The following CSMD1 variants were observed in gnomAD, a reference collection of about 807,000 sequenced individuals.
CSMD1 encodes the protein CUB and sushi domain-containing protein 1.
In CSMD1, 213 loss-of-function variants were observed where a neutral mutation model predicts 417.5. The ratio of observed to expected loss-of-function variants is 0.51; its 90% CI spans 0.46 to 0.57. The LOEUF (loss-of-function observed/expected upper bound fraction) is 0.57, where lower values mean the gene tolerates loss of function less well. CSMD1 is among the 20% of genes least tolerant of loss of function. CSMD1 has a pLI of 0.00. For missense variants in CSMD1, 6,923 were observed against 4,529.7 expected (o/e 1.53, Z -15.17); for synonymous variants, 2,862 against 1,736.8 (o/e 1.65, Z -16.11).
chr8:3,969,733 G>C (rs1160461129), intron 5 of CSMD1, among the ~76,000 whole-genome samples: 1 of 152,200 alleles, frequency 6.6e-6, no homozygotes, highest in African/African-American at 2.4e-5. Context: ...AAATAACCAT[G>C]TGTAGATGCC....
At chr8:4,895,773 A>T (rs997053098) in intron 1 of CSMD1, among the ~76,000 whole-genome samples, 4 of 152,082 alleles carry the variant, frequency 2.6e-5, no homozygotes, top group Admixed American at 2.0e-4. Flanking sequence ...AAACTTTACC[A>T]AAGTAAATTT....
intron 7 of CSMD1, among the ~76,000 whole-genome samples, chr8:3,632,338 G>A (rs948909440): frequency 2.6e-5 from 4 of 152,026 alleles, no homozygotes; most frequent in Non-Finnish European, 5.9e-5. Context: ...TGGACCTTCA[G>A]CCCTGACACC....
chr8:4,248,294 TC>T (rs2128828635), intron 3 of CSMD1, among the ~76,000 whole-genome samples: 1 of 152,188 alleles, frequency 6.6e-6, no homozygotes, highest in African/African-American at 2.4e-5. Flanking sequence ...ATACAAACAA[TC>T]TGAATTTATA....
intron 3 of CSMD1, among the ~76,000 whole-genome samples, chr8:4,330,707 T>C (rs535786453): frequency 4.0e-4 from 61 of 152,300 alleles, no homozygotes; most frequent in African/African-American, 1.4e-3. Context: ...TTTCTGTAGG[T>C]TGAGGATACC....
At chr8:3,984,351 G>C (rs950525785) in intron 5 of CSMD1, among the ~76,000 whole-genome samples, 14 of 152,118 alleles carry the variant, frequency 9.2e-5, no homozygotes, top group Admixed American at 8.5e-4. Context: ...AAATGCTGAC[G>C]ACAGATCATG....
chr8:4,467,166 G>A (rs1202301911), intron 2 of CSMD1, among the ~76,000 whole-genome samples: 2 of 147,490 alleles, frequency 1.4e-5, no homozygotes, highest in Admixed American at 6.8e-5. Context: ...AACAAATGTT[G>A]ACAACTCGTT....
intron 1 of CSMD1, among the ~76,000 whole-genome samples, chr8:4,927,583 G>C (rs896427223): frequency 6.6e-6 from 1 of 152,096 alleles, no homozygotes; most frequent in Non-Finnish European, 1.5e-5. Flanking sequence ...TTACTAAATA[G>C]TTCTTAGAGG....
intron 6 of CSMD1, among the ~76,000 whole-genome samples, chr8:3,717,528 G>T (rs556169275): frequency 6.6e-6 from 1 of 152,158 alleles, no homozygotes; most frequent in Admixed American, 6.5e-5. Context: ...ACATGGCCAT[G>T]AAAGATTAGG....
chr8:4,789,852 C>G (rs79628255), intron 1 of CSMD1, among the ~76,000 whole-genome samples: 1 of 152,148 alleles, frequency 6.6e-6, no homozygotes, highest in African/African-American at 2.4e-5. Flanking sequence ...CTTTCTTAAT[C>G]TCTTTTAGTA....
At chr8:3,437,710 G>C (rs1304414607) in intron 12 of CSMD1, among the ~76,000 whole-genome samples, 1 of 151,408 alleles carries the variant, frequency 6.6e-6, no homozygotes, top group African/African-American at 2.4e-5. Context: ...AGAACACCCT[G>C]TTCCCACCAA....
chr8:4,918,382 C>G (rs943380956), intron 1 of CSMD1, among the ~76,000 whole-genome samples: 1 of 152,192 alleles, frequency 6.6e-6, no homozygotes, highest in African/African-American at 2.4e-5. Context: ...GTGTTCCTCC[C>G]AGATTCAGAC....
intron 3 of CSMD1, among the ~76,000 whole-genome samples, chr8:4,413,915 G>A (rs1402391035): frequency 2.6e-5 from 4 of 152,300 alleles, no homozygotes; most frequent in Admixed American, 6.5e-5. Context: ...TTAGCCCAGA[G>A]GAAAGTAATT....
chr8:3,743,317 C>G (rs1796907633), intron 6 of CSMD1, among the ~76,000 whole-genome samples: 1 of 152,148 alleles, frequency 6.6e-6, no homozygotes, highest in Admixed American at 6.5e-5. Flanking sequence ...TTCCTGGATG[C>G]TGGAAGCAAC....
intron 3 of CSMD1, among the ~76,000 whole-genome samples, chr8:4,096,629 T>A (rs1801025896): frequency 6.6e-6 from 1 of 152,226 alleles, no homozygotes; most frequent in Admixed American, 6.5e-5. Flanking sequence ...ATGAAAGATA[T>A]CTTAAAAATC....
intron 1 of CSMD1, among the ~76,000 whole-genome samples, chr8:4,802,506 G>GA (rs113131453): frequency 0.07 from 10,690 of 152,132 alleles, 629 homozygotes; most frequent in East Asian, 0.23. Flanking sequence ...CACCACTTAA[G>GA]AAAAGACAGA....
intron 28 of CSMD1, among the ~76,000 whole-genome samples, chr8:3,220,277 G>C (rs6996245): frequency 0.28 from 42,996 of 151,232 alleles, 6,241 homozygotes; most frequent in African/African-American, 0.33. Context: ...TTTTTTCTCT[G>C]TCCCTCTCTT....
At chr8:4,363,405 T>G (rs1207825984) in intron 3 of CSMD1, among the ~76,000 whole-genome samples, 1 of 152,214 alleles carries the variant, frequency 6.6e-6, no homozygotes, top group East Asian at 1.9e-4. Context: ...TAAAAAAATG[T>G]TCTGGCCTCC....
intron 2 of CSMD1, among the ~76,000 whole-genome samples, chr8:4,491,583 C>A (rs1801704265): frequency 6.6e-6 from 1 of 152,102 alleles, no homozygotes; most frequent in South Asian, 2.1e-4. Context: ...GGCAAAAGGT[C>A]TGAACAGACA....
intron 5 of CSMD1, among the ~76,000 whole-genome samples, chr8:3,797,714 C>G (rs776407742): frequency 1.3e-4 from 19 of 151,914 alleles, no homozygotes; most frequent in Non-Finnish European, 2.4e-4. Context: ...ACAAACAAAG[C>G]TGCTATACAT....
Sources: gnomAD v4.1 joint callset for allele counts (sites outside exome capture counted in the v4.1 genomes callset) on GRCh38, gnomAD v4.1.1 for gene constraint, MANE v1.5 for transcripts, NCBI Gene and HGNC (gene_info 2026-07-23, HGNC 2026-07-21) for gene names.